FAM3C: variants seen among roughly 807,000 people sequenced by gnomAD.
FAM3C encodes protein FAM3C.
In FAM3C, 15 loss-of-function variants were observed where a neutral mutation model predicts 32.5. That is an observed-to-expected ratio of 0.46 (90% CI 0.31 to 0.71). The LOEUF (loss-of-function observed/expected upper bound fraction) is 0.71. Among genes scored for constraint, FAM3C ranks in the 30% least tolerant of loss-of-function variants. The pLI is 0.05. For synonymous variants in FAM3C, 75 were observed against 86.1 expected (o/e 0.87, Z 0.72); for missense variants, 175 against 274.4 (o/e 0.64, Z 2.56).
chr7:121,386,698 T>A (rs771346459), intron 1 of FAM3C, among the ~76,000 whole-genome samples: 13 of 151,256 alleles, frequency 8.6e-5, no homozygotes, highest in Non-Finnish European at 1.6e-4. Context: ...CACACATATA[T>A]ATATATATAT....
At chr7:121,362,589 C>T (rs1226324478) in intron 7 of FAM3C, 1 of 295,876 alleles carries the variant, frequency 3.4e-6, no homozygotes, top group South Asian at 5.8e-5. Flanking sequence ...TTTAGACACA[C>T]TTAAAGGAGC....
At chr7:121,367,912 C>T (rs544528721) in intron 5 of FAM3C, among the ~76,000 whole-genome samples, 1 of 151,784 alleles carries the variant, frequency 6.6e-6, no homozygotes, top group Admixed American at 6.6e-5. Flanking sequence ...GTTGCAGTGA[C>T]CTAAAATTGC....
At chr7:121,351,009 C>T in intron 9 of FAM3C, 134 bp downstream of exon 9, 1 of 855,804 alleles carries the variant, frequency 1.2e-6, no homozygotes, top group South Asian at 2.2e-5. Flanking sequence ...AACTGATTAC[C>T]AAGAATTTAT....
chr7:121,371,563 TC>T (rs1252231878), intron 4 of FAM3C, 140 bp from the exon 5 acceptor site: 3 of 923,952 alleles, frequency 3.2e-6, no homozygotes, highest in Non-Finnish European at 4.7e-6. Context: ...GCTAATTTGT[TC>T]CCCTGAGGGT....
intron 2 of FAM3C, chr7:121,380,295 T>G (rs796127291): frequency 6.6e-6 from 1 of 152,084 alleles, no homozygotes; most frequent in South Asian, 2.1e-4. Context: ...AACTTCATTG[T>G]TCAAAACTGA....
chr7:121,353,655 G>C (rs1325390719), intron 8 of FAM3C, among the ~76,000 whole-genome samples: 1 of 152,190 alleles, frequency 6.6e-6, no homozygotes, highest in Non-Finnish European at 1.5e-5. Context: ...TTTTGCAACA[G>C]GTTAGGCAGA....
chr7:121,389,424 A>G (rs925346850), intron 1 of FAM3C, among the ~76,000 whole-genome samples: 1 of 152,184 alleles, frequency 6.6e-6, no homozygotes, highest in Non-Finnish European at 1.5e-5. Context: ...ATGGCTAGGC[A>G]ACTTTTTCCT....
At chr7:121,383,965 G>A (rs559774494) in intron 1 of FAM3C, among the ~76,000 whole-genome samples, 9 of 152,198 alleles carry the variant, frequency 5.9e-5, no homozygotes, top group African/African-American at 1.9e-4. Context: ...ATTGTTGCCT[G>A]ATCTAGTAAT....
intron 1 of FAM3C, among the ~76,000 whole-genome samples, chr7:121,383,972 T>C (rs1274591717): frequency 6.6e-6 from 1 of 152,172 alleles, no homozygotes; most frequent in Non-Finnish European, 1.5e-5. Flanking sequence ...CCTGATCTAG[T>C]AATTCACAGA....
intron 5 of FAM3C, among the ~76,000 whole-genome samples, chr7:121,368,014 T>C (rs1794058232): frequency 6.6e-6 from 1 of 151,754 alleles, no homozygotes; most frequent in African/African-American, 2.4e-5. Context: ...AAAAAAAAGC[T>C]GCAATTACTG....
At chr7:121,373,130 T>C (rs1794179428) in intron 3 of FAM3C, among the ~76,000 whole-genome samples, 1 of 152,180 alleles carries the variant, frequency 6.6e-6, no homozygotes, top group Admixed American at 6.5e-5. Flanking sequence ...TTTACTGGGA[T>C]ATAATTTTGG....
chr7:121,394,336 T>A (rs1794641789), intron 1 of FAM3C, among the ~76,000 whole-genome samples: 1 of 152,246 alleles, frequency 6.6e-6, no homozygotes, highest in African/African-American at 2.4e-5. Context: ...TGTATCTTCA[T>A]AAATTATGAA....
intron 8 of FAM3C, among the ~76,000 whole-genome samples, chr7:121,358,677 A>G (rs1480772444): frequency 1.3e-5 from 2 of 152,058 alleles, no homozygotes; most frequent in Non-Finnish European, 2.9e-5. Context: ...GGGTTTTTAA[A>G]AATACATGAC....
intron 5 of FAM3C, among the ~76,000 whole-genome samples, chr7:121,369,141 C>T (rs1794090794): frequency 6.6e-6 from 1 of 151,838 alleles, no homozygotes; most frequent in African/African-American, 2.4e-5. Context: ...GCCACCACGC[C>T]CGGCTAACTT....
intron 6 of FAM3C, 147 bp from the exon 7 acceptor site, chr7:121,363,094 A>G: frequency 1.9e-6 from 1 of 525,904 alleles, no homozygotes; most frequent in South Asian, 2.9e-5. Flanking sequence ...ATTCATCTCA[A>G]AGAATTACTT....
intron 5 of FAM3C, among the ~76,000 whole-genome samples, chr7:121,368,844 C>T (rs1794079510): frequency 6.6e-6 from 1 of 152,002 alleles, no homozygotes; most frequent in South Asian, 2.1e-4. Context: ...GTCTTAGAAA[C>T]TGTTCCATAA....
intron 1 of FAM3C, among the ~76,000 whole-genome samples, chr7:121,390,684 T>C (rs1414180713): frequency 6.6e-6 from 1 of 151,998 alleles, no homozygotes; most frequent in East Asian, 1.9e-4. Context: ...TTTTTTAAAA[T>C]GCAAACTCCT....
At chr7:121,388,517 T>C (rs945911761) in intron 1 of FAM3C, among the ~76,000 whole-genome samples, 1 of 152,098 alleles carries the variant, frequency 6.6e-6, no homozygotes, top group African/African-American at 2.4e-5. Flanking sequence ...TGTAAATGTA[T>C]CCACTCCTTC....
intron 2 of FAM3C, among the ~76,000 whole-genome samples, chr7:121,380,783 T>C: frequency 6.9e-6 from 1 of 143,960 alleles, no homozygotes; most frequent in East Asian, 1.9e-4. Context: ...GTTTACTTAG[T>C]GTCTTCTGTA....
Sources: allele counts gnomAD v4.1 joint callset (sites outside exome capture counted in the v4.1 genomes callset), GRCh38; gene constraint gnomAD v4.1.1; transcripts MANE v1.5; gene names NCBI Gene and HGNC (gene_info 2026-07-23, HGNC 2026-07-21).